FSTL4: variants seen among roughly 807,000 people sequenced by gnomAD.
The protein encoded by FSTL4 is follistatin like 4.
Under a neutral mutation model 78.2 loss-of-function variants are expected in FSTL4, and 28 were observed. That is an observed-to-expected ratio of 0.36 (90% CI 0.27 to 0.49). The LOEUF (loss-of-function observed/expected upper bound fraction) is 0.49. Among genes scored for constraint, FSTL4 ranks in the 20% least tolerant of loss-of-function variants. FSTL4 has a pLI of 0.98. For synonymous variants in FSTL4, 422 were observed against 440.5 expected (o/e 0.96, Z 0.53); for missense variants, 922 against 1,084.9 (o/e 0.85, Z 2.11).
intron 3 of FSTL4, among the ~76,000 whole-genome samples, chr5:133,462,984 T>G (rs995979454): frequency 6.6e-6 from 1 of 152,216 alleles, no homozygotes; most frequent in Non-Finnish European, 1.5e-5. Context: ...AACCAGAGTC[T>G]GGCTTCATCT....
intron 6 of FSTL4, among the ~76,000 whole-genome samples, chr5:133,270,732 G>A (rs1265715550): frequency 1.3e-5 from 2 of 152,170 alleles, no homozygotes; most frequent in South Asian, 2.1e-4. Context: ...ATGACAATGC[G>A]GGGACTGGGA....
rs142775665 is a variant in FSTL4 at position 133,322,768 on chromosome 5, G to A, written c.410-6116C>T. On this transcript the variant is annotated intron_variant, in intron 4 of 15. Coordinates refer to ENST00000265342, the MANE Select transcript of FSTL4 (RefSeq NM_015082.2). The stretch of plus-strand genomic sequence containing the variant: ...GAGGACTGAGTCCACGCCTGAGACC[G>A]GAAAATGTCCTCAGGCTGAAGCTGC... 3.0e-3 allele frequency among the ~76,000 whole-genome samples: 451 copies of A among 152,328 alleles called. 1 individual carries two copies. The highest frequency in any genetic ancestry group is 0.01 in the African/African-American group (425 of 41,572).
chr5:133,409,561 C>T (rs761565163), intron 3 of FSTL4, among the ~76,000 whole-genome samples: 1 of 152,330 alleles, frequency 6.6e-6, no homozygotes, highest in Non-Finnish European at 1.5e-5. Flanking sequence ...GTTCCTTAGA[C>T]GGAACAGCAG....
intron 3 of FSTL4, among the ~76,000 whole-genome samples, chr5:133,483,496 C>T (rs557028852): frequency 3.9e-5 from 6 of 152,302 alleles, no homozygotes; most frequent in South Asian, 2.1e-4. Context: ...TCTTTAAAGC[C>T]TGACCATTTA....
At chr5:133,645,993 C>T in the FSTL4 span, among the ~76,000 whole-genome samples, 428 of 152,200 alleles carry the variant, frequency 2.8e-3, 2 homozygotes, top group African/African-American at 8.4e-3. Context: ...TTATGGCAAG[C>T]CCAGGAGATG....
At chr5:133,387,356 T>G (rs994813096) in intron 4 of FSTL4, among the ~76,000 whole-genome samples, 1 of 152,268 alleles carries the variant, frequency 6.6e-6, no homozygotes, top group East Asian at 1.9e-4. Context: ...AAGGAGTGCA[T>G]GAGATGACGT....
chr5:133,482,016 C>T (rs1220437965), intron 3 of FSTL4, among the ~76,000 whole-genome samples: 1 of 152,228 alleles, frequency 6.6e-6, no homozygotes, highest in Non-Finnish European at 1.5e-5. Flanking sequence ...AAAAGGAAAA[C>T]ATCTGAAGAT....
chr5:133,367,816 C>T (rs967270316), intron 4 of FSTL4, among the ~76,000 whole-genome samples: 13 of 152,238 alleles, frequency 8.5e-5, no homozygotes, highest in African/African-American at 3.1e-4. Context: ...CAGCTATGAT[C>T]CTTGGGAGAG....
intron 6 of FSTL4, among the ~76,000 whole-genome samples, chr5:133,290,235 T>A (rs1753227716): frequency 6.6e-6 from 1 of 152,248 alleles, no homozygotes; most frequent in Admixed American, 6.5e-5. Flanking sequence ...GTACCCATGA[T>A]GAGCAGGAGA....
intron 6 of FSTL4, among the ~76,000 whole-genome samples, chr5:133,260,533 A>G (rs1752493493): frequency 6.6e-6 from 1 of 152,170 alleles, no homozygotes; most frequent in Non-Finnish European, 1.5e-5. Context: ...CAGGGACCAC[A>G]GAGCTCCTGC....
chr5:133,655,501 A>G, the FSTL4 span, among the ~76,000 whole-genome samples: 1 of 152,196 alleles, frequency 6.6e-6, no homozygotes, highest in Non-Finnish European at 1.5e-5. Flanking sequence ...GCTTTTAAGA[A>G]TGGTGTTCAT....
chr5:133,781,587 G>A, the FSTL4 span, among the ~76,000 whole-genome samples: 1 of 152,166 alleles, frequency 6.6e-6, no homozygotes, highest in Non-Finnish European at 1.5e-5. Context: ...AGGGTGCAGT[G>A]TGGCCCACCA....
At chr5:133,621,611 G>A in the FSTL4 span, among the ~76,000 whole-genome samples, 6 of 152,136 alleles carry the variant, frequency 3.9e-5, no homozygotes, top group Non-Finnish European at 7.4e-5. Flanking sequence ...GAAAGAGTTG[G>A]GAGCGGGTGA....
chr5:133,508,987 G>A (rs888606504), intron 3 of FSTL4, among the ~76,000 whole-genome samples: 1 of 152,106 alleles, frequency 6.6e-6, no homozygotes, highest in African/African-American at 2.4e-5. Context: ...CTCAAGGAAG[G>A]AAAGCATACC....
the FSTL4 span, among the ~76,000 whole-genome samples, chr5:133,753,237 C>T: frequency 6.6e-6 from 1 of 152,218 alleles, no homozygotes; most frequent in Non-Finnish European, 1.5e-5. Flanking sequence ...CTGCATCTTG[C>T]AAACAGGGAA....
intron 3 of FSTL4, among the ~76,000 whole-genome samples, chr5:133,493,466 G>A (rs1419803540): frequency 1.3e-5 from 2 of 152,190 alleles, no homozygotes; most frequent in Non-Finnish European, 2.9e-5. Context: ...CAGACCACAA[G>A]CTACTTGCCA....
chr5:133,444,607 C>G (rs949593111), intron 3 of FSTL4, among the ~76,000 whole-genome samples: 3 of 152,220 alleles, frequency 2.0e-5, no homozygotes, highest in African/African-American at 7.2e-5. Flanking sequence ...AATCAGAGGC[C>G]TTGAGCTGCT....
intron 11 of FSTL4, among the ~76,000 whole-genome samples, chr5:133,223,672 T>C (rs1239364950): frequency 6.6e-6 from 1 of 152,226 alleles, no homozygotes; most frequent in African/African-American, 2.4e-5. Flanking sequence ...GGCAACTTCA[T>C]ATGGCTCAAC....
chr5:133,813,486 T>C, the FSTL4 span, among the ~76,000 whole-genome samples: 1 of 152,254 alleles, frequency 6.6e-6, no homozygotes, highest in Non-Finnish European at 1.5e-5. Context: ...GCTGCTATAT[T>C]GAACTGTGGG....
Sources: gnomAD v4.1 joint callset for allele counts (sites outside exome capture counted in the v4.1 genomes callset) on GRCh38, gnomAD v4.1.1 for gene constraint, MANE v1.5 for transcripts, NCBI Gene and HGNC (gene_info 2026-07-23, HGNC 2026-07-21) for gene names.